The following FOXP1 variants were observed in gnomAD, a reference collection of about 807,000 sequenced individuals.
The protein encoded by FOXP1 is forkhead box protein P1.
In FOXP1, 15 loss-of-function variants were observed where a neutral mutation model predicts 98.2. The observed-to-expected ratio is 0.15, with a 90% confidence interval of 0.10 to 0.24. The LOEUF is 0.24. FOXP1 is among the 10% of genes least tolerant of loss of function. The pLI, the probability that FOXP1 is intolerant of heterozygous loss-of-function variation, is 1.00. For synonymous variants in FOXP1, 371 were observed against 314.5 expected (o/e 1.18, Z -1.90); for missense variants, 633 against 848.5 (o/e 0.75, Z 3.15).
intron 5 of FOXP1, among the ~76,000 whole-genome samples, chr3:71,293,058 G>C (rs764395731): frequency 2.0e-5 from 3 of 152,138 alleles, no homozygotes; most frequent in Non-Finnish European, 4.4e-5. Flanking sequence ...GGTGTTACTA[G>C]ATACTGAGGG....
chr3:71,025,665 T>C (rs146309035), intron 11 of FOXP1, among the ~76,000 whole-genome samples: 46 of 152,334 alleles, frequency 3.0e-4, no homozygotes, highest in African/African-American at 1.0e-3. Flanking sequence ...TGAAGGAAGT[T>C]AGCACAGGGA....
At chr3:71,370,659 G>A (rs2079232758) in intron 3 of FOXP1, among the ~76,000 whole-genome samples, 1 of 152,110 alleles carries the variant, frequency 6.6e-6, no homozygotes, top group Admixed American at 6.5e-5. Flanking sequence ...TGCATTTGTA[G>A]TAAGTCCCAA....
At chr3:71,507,823 C>G (rs765589445) in intron 2 of FOXP1, among the ~76,000 whole-genome samples, 2 of 152,168 alleles carry the variant, frequency 1.3e-5, no homozygotes, top group Non-Finnish European at 2.9e-5. Flanking sequence ...GTGATCCACC[C>G]ACCTTGGCCT....
chr3:71,499,889 T>A (rs1380424373), intron 2 of FOXP1, among the ~76,000 whole-genome samples: 1 of 152,194 alleles, frequency 6.6e-6, no homozygotes, highest in East Asian at 1.9e-4. Flanking sequence ...TCCACCTCAA[T>A]TCATAGGCTA....
At chr3:71,161,235 T>G (rs2061117352) in intron 6 of FOXP1, among the ~76,000 whole-genome samples, 1 of 152,206 alleles carries the variant, frequency 6.6e-6, no homozygotes. Context: ...ATTTGTTTTT[T>G]CTCAAAATTC....
intron 3 of FOXP1, among the ~76,000 whole-genome samples, chr3:71,489,545 G>T (rs6549392): frequency 0.28 from 42,833 of 152,124 alleles, 6,383 homozygotes; most frequent in Non-Finnish European, 0.33. Context: ...GCTAACTGCC[G>T]ATTAAATATG....
intron 6 of FOXP1, among the ~76,000 whole-genome samples, chr3:71,139,659 A>C (rs2059975518): frequency 1.3e-5 from 2 of 151,824 alleles, no homozygotes; most frequent in African/African-American, 4.9e-5. Flanking sequence ...GGCTCTATGG[A>C]TGTCACTGCT....
chr3:71,112,557 A>T lies in FOXP1; in HGVS notation c.261T>A (p.Asn87Lys). 1 of 1,613,844 alleles carries T rather than the reference A, an allele frequency of 6.2e-7. No homozygotes were observed. The highest frequency in any genetic ancestry group is 8.5e-7 in the Non-Finnish European group (1 of 1,179,736). Residue 87 changes from asparagine (N) to lysine (K), a missense_variant, in exon 7 of 21, where the codon AAT becomes AAA. Physicochemically the swap from Asn to Lys is moderately conservative, Grantham distance 94. Around this residue, in one of 6 missense-constraint regions of FOXP1, gnomAD observed 210 missense variants for 270.6 expected, o/e 0.78. Transcript: ENST00000649528. ...QVSGLKSPKR[N>K]DKQPALQVPV... The stretch of plus-strand genomic sequence containing the variant: ...TTACCTGAAGAGCTGGTTGTTTGTC[A>T]TTCCTCTTGGGAGATTTTAATCCAC...
At chr3:71,343,009 A>G (rs935496599) in intron 4 of FOXP1, among the ~76,000 whole-genome samples, 1 of 152,226 alleles carries the variant, frequency 6.6e-6, no homozygotes, top group Middle Eastern at 3.2e-3. Flanking sequence ...AGGTGGTAAG[A>G]GGAGCTACTT....
At chr3:71,462,671 T>C (rs2088259869) in intron 3 of FOXP1, among the ~76,000 whole-genome samples, 1 of 152,246 alleles carries the variant, frequency 6.6e-6, no homozygotes, top group Non-Finnish European at 1.5e-5. Context: ...ATTGCATCTA[T>C]GTTAGAAATC....
chr3:71,453,742 C>T (rs550294096), intron 3 of FOXP1, among the ~76,000 whole-genome samples: 2 of 152,254 alleles, frequency 1.3e-5, no homozygotes, highest in Admixed American at 1.3e-4. Context: ...GCCCTCTGAT[C>T]ACACTGCTCT....
intron 2 of FOXP1, among the ~76,000 whole-genome samples, chr3:71,513,694 C>T (rs551489916): frequency 2.6e-5 from 4 of 152,292 alleles, no homozygotes; most frequent in Middle Eastern, 3.4e-3. Context: ...CTTTGTCATA[C>T]CCCAAACTGA....
intron 3 of FOXP1, among the ~76,000 whole-genome samples, chr3:71,476,735 G>A (rs957568409): frequency 3.3e-5 from 5 of 150,092 alleles, no homozygotes; most frequent in Admixed American, 2.0e-4. Context: ...AACTCCTGGC[G>A]TCACGTGATC....
rs543028893 is a variant in FOXP1, at chr3:71,535,539, TAACAAC to T, written c.-297-41990_-297-41985del. On this transcript the variant is annotated intron_variant, in intron 2 of 20. Coordinates refer to ENST00000649528, the MANE Select transcript of FOXP1 (RefSeq NM_001349338.3). Reference sequence around the variant, plus strand: ...GAGCAATATGACAAAAACCCATCTCTAACAACAACAACAACAACAACAACAAAAACA... The same window carrying T: ...GAGCAATATGACAAAAACCCATCTCTAACAACAACAACAACAACAAAAACA... Among the ~76,000 whole-genome samples the T allele has an allele frequency of 5.3e-5, 8 of 151,920 alleles. No individual in the cohort carries two copies. In the South Asian group the frequency reaches 6.2e-4, roughly 12 times the overall value.
intron 4 of FOXP1, among the ~76,000 whole-genome samples, chr3:71,309,352 T>C (rs1219341792): frequency 6.6e-6 from 1 of 152,198 alleles, no homozygotes; most frequent in Non-Finnish European, 1.5e-5. Context: ...TAAAAAATAT[T>C]TTTATGAACA....
chr3:71,130,527 C>G, intron 6 of FOXP1: 1 of 1,598,396 alleles, frequency 6.3e-7, no homozygotes, highest in Non-Finnish European at 8.5e-7. Flanking sequence ...GCGAAGGGAG[C>G]CCGTACTGTC....
chr3:71,168,725 T>C (rs1255974472), intron 6 of FOXP1, among the ~76,000 whole-genome samples: 1 of 152,238 alleles, frequency 6.6e-6, no homozygotes, highest in Non-Finnish European at 1.5e-5. Flanking sequence ...AACAGTGAAA[T>C]GTTTAACAAT....
intron 2 of FOXP1, among the ~76,000 whole-genome samples, chr3:71,560,584 A>G (rs1323708866): frequency 6.6e-6 from 1 of 152,244 alleles, no homozygotes; most frequent in Admixed American, 6.5e-5. Context: ...AAAACATACG[A>G]AAACACAAAA....
intron 5 of FOXP1, among the ~76,000 whole-genome samples, chr3:71,294,945 C>T (rs1009419325): frequency 6.6e-6 from 1 of 152,176 alleles, no homozygotes; most frequent in Admixed American, 6.5e-5. Context: ...AGAGCACAGA[C>T]GGAAAGATCT....
Sources: allele counts gnomAD v4.1 joint callset (sites outside exome capture counted in the v4.1 genomes callset), GRCh38; gene constraint gnomAD v4.1.1; regional missense constraint gnomAD v4.1.1; transcripts MANE v1.5; gene names NCBI Gene and HGNC (gene_info 2026-07-23, HGNC 2026-07-21).